The following NTNG1 variants were observed in gnomAD, a reference collection of about 807,000 sequenced individuals.
NTNG1 encodes netrin-G1.
A neutral mutation model predicts 54.0 loss-of-function variants in NTNG1; 16 were observed. That is an observed-to-expected ratio of 0.30 (90% CI 0.20 to 0.45). The LOEUF (loss-of-function observed/expected upper bound fraction) is 0.45. Ranked by LOEUF, NTNG1 falls within the 20% of genes least tolerant of loss-of-function variation. NTNG1 has a pLI of 1.00. For missense variants in NTNG1, 530 were observed against 678.7 expected, an observed-to-expected ratio of 0.78 and a Z score of 2.43; for synonymous variants, 255 against 263.1, an observed-to-expected ratio of 0.97 and a Z score of 0.30.
At chr1:107,218,124 G>A (rs750736840) in intron 2 of NTNG1, among the ~76,000 whole-genome samples, 4 of 151,988 alleles carry the variant, frequency 2.6e-5, no homozygotes, top group Non-Finnish European at 4.4e-5. Context: ...TTATAAATTC[G>A]GGATCCCCAC....
intron 3 of NTNG1, among the ~76,000 whole-genome samples, chr1:107,336,662 G>C (rs576066856): frequency 6.6e-6 from 1 of 152,036 alleles, no homozygotes; most frequent in South Asian, 2.1e-4. Context: ...TGCATCAAAG[G>C]ACACTGTCAA....
At chr1:107,288,860 G>A (rs991948979) in intron 2 of NTNG1, among the ~76,000 whole-genome samples, 3 of 152,056 alleles carry the variant, frequency 2.0e-5, no homozygotes, top group Admixed American at 2.0e-4. Flanking sequence ...CAGAATCAAG[G>A]TTCAATGATT....
At chr1:107,352,091 TG>T (rs772487469) in intron 3 of NTNG1, among the ~76,000 whole-genome samples, 2 of 152,238 alleles carry the variant, frequency 1.3e-5, no homozygotes, top group Non-Finnish European at 2.9e-5. Flanking sequence ...GTTCAGCCCC[TG>T]TGGCTGCTTT....
intron 2 of NTNG1, among the ~76,000 whole-genome samples, chr1:107,160,589 C>T (rs1655333123): frequency 6.6e-6 from 1 of 151,974 alleles, no homozygotes; most frequent in South Asian, 2.1e-4. Flanking sequence ...AAATCTCAGC[C>T]AGTCTGACCC....
At chr1:107,404,200 G>A (rs1007073911) in intron 4 of NTNG1, among the ~76,000 whole-genome samples, 1 of 151,834 alleles carries the variant, frequency 6.6e-6, no homozygotes, top group Non-Finnish European at 1.5e-5. Context: ...GCCCCTGGGT[G>A]TGTTAGGAAA....
At chr1:107,226,442 C>T (rs1044008310) in intron 2 of NTNG1, among the ~76,000 whole-genome samples, 5 of 152,080 alleles carry the variant, frequency 3.3e-5, no homozygotes, top group African/African-American at 7.2e-5. Context: ...TGTTATTATG[C>T]GACAATAGTT....
intron 5 of NTNG1, chr1:107,420,975 A>G (rs1323481863): frequency 9.5e-6 from 7 of 734,970 alleles, no homozygotes; most frequent in African/African-American, 1.8e-5. Flanking sequence ...AGATACAAAT[A>G]GTCTCTTAAT....
intron 5 of NTNG1, among the ~76,000 whole-genome samples, chr1:107,422,914 C>T (rs773316206): frequency 1.4e-4 from 21 of 151,982 alleles, no homozygotes; most frequent in African/African-American, 2.9e-4. Flanking sequence ...ACAGTAAAAA[C>T]GAGGATGCAA....
intron 7 of NTNG1, among the ~76,000 whole-genome samples, chr1:107,453,586 T>C (rs920616078): frequency 6.6e-5 from 10 of 152,238 alleles, no homozygotes; most frequent in African/African-American, 9.6e-5. Flanking sequence ...CCTGGATTTC[T>C]TCTACAATGT....
intron 2 of NTNG1, among the ~76,000 whole-genome samples, chr1:107,223,106 G>A (rs948715388): frequency 9.2e-5 from 14 of 152,000 alleles, no homozygotes; most frequent in African/African-American, 2.9e-4. Context: ...GGTCTGTGGT[G>A]GAATATGCAT....
chr1:107,443,770 C>T (rs182263185), intron 7 of NTNG1, among the ~76,000 whole-genome samples: 2 of 152,190 alleles, frequency 1.3e-5, no homozygotes, highest in Admixed American at 1.3e-4. Flanking sequence ...AAGTTGGTCT[C>T]ATCAATAAAA....
At chr1:107,366,799 A>G (rs1286020417) in intron 3 of NTNG1, among the ~76,000 whole-genome samples, 3 of 152,204 alleles carry the variant, frequency 2.0e-5, no homozygotes, top group Non-Finnish European at 4.4e-5. Flanking sequence ...ATTATATGAA[A>G]TACTTCTAAA....
chr1:107,418,193 T>A (rs1268478229), intron 5 of NTNG1, among the ~76,000 whole-genome samples: 1 of 152,064 alleles, frequency 6.6e-6, no homozygotes, highest in Non-Finnish European at 1.5e-5. Context: ...TCTGTAAATA[T>A]AAATTGAGGA....
At chr1:107,440,521 A>G (rs1675900273) in intron 7 of NTNG1, among the ~76,000 whole-genome samples, 1 of 152,184 alleles carries the variant, frequency 6.6e-6, no homozygotes, top group Non-Finnish European at 1.5e-5. Context: ...CAAATAAAAT[A>G]ATGAATGTGG....
Position 107,367,219 on chromosome 1 carries a change from T to G in NTNG1, c.888-27935T>G, listed in dbSNP as rs537836350. On this transcript the variant is annotated intron_variant, in intron 3 of 7. Transcript: ENST00000370068. ...ATCCTGGACTTAGGCTTGGCCATTT[T>G]AAACCCATGCCTGCCCCAAAGAAGA... Among the ~76,000 whole-genome samples, 14 of 152,290 alleles carry G rather than the reference T, an allele frequency of 9.2e-5. 1 individual carries two copies. In the East Asian group the frequency reaches 1.9e-3, roughly 21 times the overall value.
chr1:107,384,725 G>A (rs1380101534), intron 3 of NTNG1, among the ~76,000 whole-genome samples: 1 of 152,234 alleles, frequency 6.6e-6, no homozygotes, highest in Admixed American at 6.5e-5. Context: ...GGTTTGCAGA[G>A]AGGCTGCCTA....
chr1:107,318,963 A>G (rs1667489853), intron 2 of NTNG1, among the ~76,000 whole-genome samples: 1 of 152,064 alleles, frequency 6.6e-6, no homozygotes, highest in Admixed American at 6.6e-5. Context: ...TTGTCTCTAG[A>G]ATTGTGGTCA....
intron 2 of NTNG1, among the ~76,000 whole-genome samples, chr1:107,228,579 T>C (rs894741895): frequency 6.6e-6 from 1 of 152,194 alleles, no homozygotes; most frequent in Non-Finnish European, 1.5e-5. Context: ...TAATATTGAC[T>C]GTATGACTAC....
At chr1:107,374,528 A>G (rs1386865548) in intron 3 of NTNG1, among the ~76,000 whole-genome samples, 1 of 151,868 alleles carries the variant, frequency 6.6e-6, no homozygotes, top group Admixed American at 6.6e-5. Context: ...ATCTTTTTTT[A>G]CAGAAATGTA....
Sources: gnomAD v4.1 joint callset for allele counts (sites outside exome capture counted in the v4.1 genomes callset) on GRCh38, gnomAD v4.1.1 for gene constraint, MANE v1.5 for transcripts, NCBI Gene and HGNC (gene_info 2026-07-23, HGNC 2026-07-21) for gene names.